HNRNPH1: variants seen among roughly 807,000 people sequenced by gnomAD.
The protein encoded by HNRNPH1 is heterogeneous nuclear ribonucleoprotein H1, also known as heterogeneous nuclear ribonucleoprotein H.
Under a neutral mutation model 58.6 loss-of-function variants are expected in HNRNPH1, and 4 were observed. The ratio of observed to expected loss-of-function variants is 0.07; its 90% CI spans 0.03 to 0.16. The LOEUF (loss-of-function observed/expected upper bound fraction) is 0.16. Among genes scored for constraint, HNRNPH1 ranks in the 10% least tolerant of loss-of-function variants. The pLI is 1.00. For synonymous variants in HNRNPH1, 192 were observed against 189.2 expected (o/e 1.01, Z -0.12); for missense variants, 271 against 564.2 (o/e 0.48, Z 5.26).
intron 2 of HNRNPH1, among the ~76,000 whole-genome samples, chr5:179,633,444 C>A (rs922600441): frequency 1.3e-5 from 2 of 150,526 alleles, no homozygotes; most frequent in African/African-American, 4.9e-5. Flanking sequence ...TACAGGCACC[C>A]GCCCCACACC....
At chr5:179,614,784 G>GAAAAA (rs35827689) in exon 13 of HNRNPH1, 152 of 446,134 alleles carry the variant, frequency 3.4e-4, no homozygotes, top group South Asian at 9.8e-4. Context: ...TTTTCTTAAA[G>GAAAAA]AAAAAAAAAA....
intron 2 of HNRNPH1, among the ~76,000 whole-genome samples, chr5:179,632,523 T>C (rs552359624): frequency 6.6e-6 from 1 of 152,280 alleles, no homozygotes; most frequent in African/African-American, 2.4e-5. Context: ...AATTGTGGAT[T>C]CAGACACCAT....
exon 13 of HNRNPH1, chr5:179,614,273 C>A: frequency 6.6e-6 from 1 of 152,310 alleles, no homozygotes. Context: ...AAATCAAGGC[C>A]TCAGAATTTC....
At chr5:179,623,207 T>C in exon 1 of HNRNPH1, 2 of 1,129,668 alleles carry the variant, frequency 1.8e-6, no homozygotes, top group Admixed American at 1.9e-5. Context: ...CCAATTAAGC[T>C]GTCCTTCGCC....
At chr5:179,615,050 A>C (rs541491511) in intron 12 of HNRNPH1, 91 bp from the exon 14 acceptor site, 1 of 816,052 alleles carries the variant, frequency 1.2e-6, no homozygotes, top group African/African-American at 1.7e-5. Context: ...TAAAAAGTAT[A>C]CGAGTACAAA....
chr5:179,631,215 G>C (rs1277493328), intron 2 of HNRNPH1, among the ~76,000 whole-genome samples: 2 of 151,918 alleles, frequency 1.3e-5, no homozygotes, highest in African/African-American at 2.4e-5. Context: ...AAAGATATAC[G>C]TTACGGTATA....
chr5:179,625,487 CAAAAAAAA>C (rs36011321), upstream of HNRNPH1, among the ~76,000 whole-genome samples: 3 of 86,320 alleles, frequency 3.5e-5, no homozygotes, highest in South Asian at 3.9e-4. Context: ...GACTCCCTCT[CAAAAAAAA>C]AAAAAAAAAA....
intron 8 of HNRNPH1, 181 bp from the exon 10 acceptor site, chr5:179,617,291 G>A (rs4131080): frequency 0.35 from 255,184 of 730,672 alleles, 48,733 homozygotes; most frequent in East Asian, 0.68. Context: ...ATATTCATCT[G>A]TATTGTCAAT....
At chr5:179,626,242 A>AC (rs1256773063), upstream of HNRNPH1, among the ~76,000 whole-genome samples, 2 of 151,832 alleles carry the variant, frequency 1.3e-5, no homozygotes, top group African/African-American at 4.8e-5. Flanking sequence ...TAGAGGGATT[A>AC]CAGGTGTGTG....
chr5:179,618,538 T>C (rs1436734159), intron 4 of HNRNPH1: 2 of 391,588 alleles, frequency 5.1e-6, no homozygotes, highest in Non-Finnish European at 9.1e-6. Flanking sequence ...AAAAAAAAAC[T>C]CACTCCTCTG....
In HNRNPH1 at chr5:179,617,292, T is replaced by C. The variant is rs1414248732; in HGVS notation, c.1058-182A>G. On this transcript the variant is annotated intron_variant, in intron 8 of 12. Coordinates refer to ENST00000356731, the Ensembl canonical transcript of HNRNPH1. ...AATCTAGCCTTTACATATTCATCTG[T>C]ATTGTCAATTAAGGATATACACTTC... 6.9e-6 allele frequency: 5 copies of C among 724,708 alleles called. No individual in the cohort carries two copies. The African/African-American group carries it at 9.0e-5, about 13-fold the overall frequency. The allele number at this position is 724,708 out of a possible 1,614,324, so 44.9% of individuals were successfully genotyped here.
At chr5:179,618,529 A>G (rs184149290) in intron 4 of HNRNPH1, 1 of 434,276 alleles carries the variant, frequency 2.3e-6, no homozygotes, top group African/African-American at 2.0e-5. Context: ...ATAGAAAAAA[A>G]AAAAAAACTC....
rs1052329753 is a variant in HNRNPH1, at chr5:179,616,407, G to A, written c.1208-189C>T. 1.7e-5 allele frequency: 10 copies of A among 600,098 alleles called. No homozygotes were observed. The Admixed American group carries it at 2.8e-4, about 17-fold the overall frequency. 37.2% of individuals were successfully genotyped at this position (600,098 alleles called of 1,614,324 possible). On this transcript the variant is annotated intron_variant, in intron 10 of 12. Coordinates refer to ENST00000356731, the Ensembl canonical transcript of HNRNPH1. ...CCATCATTTGAGCCAGTCAAATATT[G>A]ATAAACCAAAGTGCTAACGGTACAC... is the stretch of plus-strand genomic sequence containing the variant.
exon 13 of HNRNPH1, chr5:179,614,188 A>T (rs995561019): frequency 6.6e-6 from 1 of 152,348 alleles, no homozygotes; most frequent in Non-Finnish European, 1.5e-5. Context: ...TGCAGTTTTT[A>T]AAAGGAGGAT....
At chr5:179,623,142 A>T (rs764133533) in exon 1 of HNRNPH1, 1 of 1,597,190 alleles carries the variant, frequency 6.3e-7, no homozygotes, top group South Asian at 1.1e-5. Flanking sequence ...ATCGTCTCTT[A>T]CGCGGTCCGG....
intron 3 of HNRNPH1, chr5:179,620,101 G>A (rs1395806444): frequency 1.3e-5 from 2 of 152,172 alleles, no homozygotes; most frequent in African/African-American, 2.4e-5. Flanking sequence ...CCAATTTAGT[G>A]TCAAAACAAA....
chr5:179,628,170 G>T (rs2127735602), upstream of HNRNPH1, among the ~76,000 whole-genome samples: 1 of 152,146 alleles, frequency 6.6e-6, no homozygotes, highest in East Asian at 1.9e-4. Flanking sequence ...TAAATTTCTT[G>T]ATGTCAAAGC....
chr5:179,615,020 T>G, intron 12 of HNRNPH1, 61 bp from the exon 14 acceptor site: 4 of 1,022,976 alleles, frequency 3.9e-6, no homozygotes, highest in Non-Finnish European at 6.0e-6. Flanking sequence ...AAATAAAATA[T>G]AGTATTCCAA....
At chr5:179,622,336 TTAC>T (rs1201435147) in intron 1 of HNRNPH1, among the ~76,000 whole-genome samples, 2 of 152,192 alleles carry the variant, frequency 1.3e-5, no homozygotes, top group African/African-American at 4.8e-5. Flanking sequence ...TTGCAAAACA[TTAC>T]TATTATTTGT....
Sources: allele counts gnomAD v4.1 joint callset (sites outside exome capture counted in the v4.1 genomes callset), GRCh38; gene constraint gnomAD v4.1.1; transcripts MANE v1.5; gene names NCBI Gene and HGNC (gene_info 2026-07-23, HGNC 2026-07-21).